Variants in FBLN7 observed in about 807,000 individuals in gnomAD.
FBLN7 encodes fibulin 7.
A neutral mutation model predicts 44.0 loss-of-function variants in FBLN7; 31 were observed. That is an observed-to-expected ratio of 0.70 (90% CI 0.53 to 0.95). The LOEUF (loss-of-function observed/expected upper bound fraction) is 0.95, where lower values mean the gene tolerates loss of function less well. Among genes scored for constraint, FBLN7 ranks in the 40% least tolerant of loss-of-function variants. The pLI is 0.00. For synonymous variants in FBLN7, 262 were observed against 253.4 expected, an observed-to-expected ratio of 1.03 and a Z score of -0.32; for missense variants, 573 against 618.5, an observed-to-expected ratio of 0.93 and a Z score of 0.78.
chr2:112,236,480 A>G, the FBLN7 span: 1 of 1,551,328 alleles, frequency 6.4e-7, no homozygotes, highest in Non-Finnish European at 8.7e-7. Flanking sequence ...CATATCACAT[A>G]GCACTTCTTG....
intron 1 of FBLN7, 32 bp downstream of exon 1, chr2:112,138,762 G>T: frequency 6.5e-7 from 1 of 1,546,862 alleles, no homozygotes; most frequent in Non-Finnish European, 8.7e-7. Context: ...CTCCAGGCCA[G>T]TGTCCCTCCC....
At chr2:112,218,791 T>C in the FBLN7 span, among the ~76,000 whole-genome samples, 1 of 152,202 alleles carries the variant, frequency 6.6e-6, no homozygotes, top group Non-Finnish European at 1.5e-5. Context: ...AAAAGTTATA[T>C]GCAGATTTTT....
At chr2:112,228,949 A>G in the FBLN7 span, among the ~76,000 whole-genome samples, 1 of 152,256 alleles carries the variant, frequency 6.6e-6, no homozygotes, top group Admixed American at 6.5e-5. Context: ...AGCACATGAA[A>G]AGATGTTCAT....
In FBLN7 at chr2:112,187,325, G is replaced by C; in HGVS notation, c.1139G>C (p.Ser380Thr). The change falls in exon 8 of 8, where the codon AGC (serine) becomes ACC (threonine). Residue 380 changes from serine (S) to threonine (T), a missense_variant. Coordinates refer to ENST00000331203, the MANE Select transcript of FBLN7 (RefSeq NM_153214.3). This position sits in a 1 kb window ranked among gnomAD's most constrained non-coding sequence, Gnocchi z 5.1. ...CGGTTTGGGATCGTGGGTGGGAACA[G>C]CCGCGGCCACTTTGTGATGCAGCGT... ...SLRFGIVGGN[S>T]RGHFVMQRSD... 6.2e-7 allele frequency: 1 copy of C among 1,614,134 alleles called. No individual in the cohort carries two copies. Among genetic ancestry groups the C allele is most frequent in the Admixed American group, 1.7e-5 (1 of 60,034 alleles).
the FBLN7 span, among the ~76,000 whole-genome samples, chr2:112,239,026 T>C: frequency 6.6e-6 from 1 of 152,236 alleles, no homozygotes; most frequent in African/African-American, 2.4e-5. Flanking sequence ...CAAAGTCTAG[T>C]CTTTCTCCTA....
Position 112,187,359 on chromosome 2 carries a change from G to T in FBLN7, c.1173G>T (p.Arg391=), listed in dbSNP as rs1307870689. 6.2e-7 allele frequency: 1 copy of T among 1,614,026 alleles called. No individual in the cohort carries two copies. The highest frequency in any genetic ancestry group is 1.3e-5 in the African/African-American group (1 of 74,928). ...ACTTTGTGATGCAGCGTTCAGACCG[G>T]CAGACTGGGGATCTGATCCTTGTGC... ...RGHFVMQRSD[R]QTGDLILVQN... The change falls in exon 8 of 8, where the codon CGG becomes CGT. Residue 391 remains arginine, a synonymous_variant. Coordinates refer to ENST00000331203, the MANE Select transcript of FBLN7 (RefSeq NM_153214.3). The surrounding 1 kb of genome is among the most constrained non-coding windows in gnomAD (Gnocchi z 5.1).
the FBLN7 span, among the ~76,000 whole-genome samples, chr2:112,232,350 C>G: frequency 1.3e-5 from 2 of 148,592 alleles, no homozygotes; most frequent in Non-Finnish European, 3.0e-5. Flanking sequence ...TTCCTACTAG[C>G]AGAAACTGGA....
chr2:112,187,594 C>G lies in FBLN7; in HGVS notation c.*88C>G, dbSNP rs1683335846. 6.6e-6 allele frequency: 10 copies of G among 1,523,656 alleles called. No individual in the cohort carries two copies. Among genetic ancestry groups the G allele is most frequent in the African/African-American group, 1.4e-5 (1 of 72,970 alleles). The allele number at this position is 1,523,656 out of a possible 1,614,324, so 94.4% of individuals were successfully genotyped here. Reference sequence around the variant, plus strand: ...TTCGGGCACCGACTGCGTGGAGCCTCCCGCCTGTTCCCGCCCTCTCACCAG... The same window carrying G: ...TTCGGGCACCGACTGCGTGGAGCCTGCCGCCTGTTCCCGCCCTCTCACCAG... On this transcript the variant is annotated 3_prime_UTR_variant, in exon 8 of 8. Coordinates refer to ENST00000331203, the MANE Select transcript of FBLN7 (RefSeq NM_153214.3). The surrounding 1 kb of genome is among the most constrained non-coding windows in gnomAD (Gnocchi z 5.1).
intron 4 of FBLN7, among the ~76,000 whole-genome samples, chr2:112,180,233 A>T (rs894892844): frequency 2.6e-5 from 4 of 152,268 alleles, no homozygotes; most frequent in African/African-American, 9.6e-5. Flanking sequence ...GCATATGGAA[A>T]AAAAAGCTCC....
At position 112,172,627 on chromosome 2, in the gene FBLN7, CTTTTTTTTTTT is replaced by C. The variant is rs35062438; in HGVS notation, c.407-3073_407-3063del. Among the ~76,000 whole-genome samples the C allele has an allele frequency of 4.5e-5, 4 of 88,154 alleles. No homozygotes were observed. In the Admixed American group the frequency reaches 6.0e-4, roughly 13 times the overall value. The allele number at this position is 88,154 out of a possible 152,430, so 57.8% of individuals were successfully genotyped here. On this transcript the variant is annotated intron_variant, in intron 3 of 7. Coordinates refer to ENST00000331203, the MANE Select transcript of FBLN7 (RefSeq NM_153214.3). ...TGGAATTCACCTTTTCTTTTTCTTT[CTTTTTTTTTTT>C]TTTTTTTTTTTTTGAGACAGAGTCT...
At position 112,182,835 on chromosome 2, in the gene FBLN7, C is replaced by G; in HGVS notation, c.715C>G (p.Leu239Val). ...CTACGGGCAGGAGGGGCGCCCCCGG[C>G]TCTGCATGCACGCCTGCGTGAACAC... is the stretch of plus-strand genomic sequence containing the variant. ...ELYGQEGRPR[L>V]CMHACVNTPG... Residue 239 changes from leucine to valine, a missense_variant, in exon 6 of 8, where the codon CTC (leucine) becomes GTC (valine). Leu to Val is a conservative substitution (Grantham distance 32). Transcript: ENST00000331203. The G allele has an allele frequency of 6.2e-7, 1 of 1,611,986 alleles. No homozygotes were observed. The highest frequency in any genetic ancestry group is 1.1e-5 in the South Asian group (1 of 90,448).
chr2:112,230,916 T>C, the FBLN7 span: 1 of 1,284,258 alleles, frequency 7.8e-7, no homozygotes, highest in Non-Finnish European at 1.0e-6. Flanking sequence ...TTTATGTCTA[T>C]TTTATTTACA....
chr2:112,143,200 G>C (rs1680737951), intron 1 of FBLN7, among the ~76,000 whole-genome samples: 1 of 152,202 alleles, frequency 6.6e-6, no homozygotes, highest in Admixed American at 6.5e-5. Flanking sequence ...TATGGGGTGT[G>C]CAGAGAGCAG....
chr2:112,157,399 A>G (rs1218817945), intron 1 of FBLN7, among the ~76,000 whole-genome samples: 1 of 152,062 alleles, frequency 6.6e-6, no homozygotes, highest in East Asian at 1.9e-4. Flanking sequence ...AAATTAAAAC[A>G]TAATCCATAA....
chr2:112,169,476 G>A (rs1682338704), intron 3 of FBLN7, among the ~76,000 whole-genome samples: 1 of 152,176 alleles, frequency 6.6e-6, no homozygotes, highest in Admixed American at 6.5e-5. Flanking sequence ...TGAAGATCTT[G>A]TGCCTTTGAC....
chr2:112,194,141 G>T, the FBLN7 span, among the ~76,000 whole-genome samples: 1 of 152,144 alleles, frequency 6.6e-6, no homozygotes, highest in African/African-American at 2.4e-5. Flanking sequence ...GTCTGCCTGG[G>T]CTGGGATGAC....
At chr2:112,186,181 C>G (rs1683258537) in intron 7 of FBLN7, among the ~76,000 whole-genome samples, 1 of 152,090 alleles carries the variant, frequency 6.6e-6, no homozygotes, top group South Asian at 2.1e-4. Flanking sequence ...CTGGGGCATT[C>G]GACCAACAGC....
At chr2:112,210,974 C>T in the FBLN7 span, among the ~76,000 whole-genome samples, 2 of 152,192 alleles carry the variant, frequency 1.3e-5, no homozygotes, top group Non-Finnish European at 2.9e-5. Context: ...CCTGGAGCAC[C>T]TCTTCCAAAC....
chr2:112,222,905 A>G, the FBLN7 span, among the ~76,000 whole-genome samples: 1 of 152,260 alleles, frequency 6.6e-6, no homozygotes, highest in Non-Finnish European at 1.5e-5. Context: ...TTAATTGTAC[A>G]TTTACAAATG....
Sources: gnomAD v4.1 joint callset for allele counts (sites outside exome capture counted in the v4.1 genomes callset) on GRCh38, gnomAD v4.1.1 for gene constraint, Gnocchi (gnomAD v3.1) non-coding constraint, MANE v1.5 for transcripts, NCBI Gene and HGNC (gene_info 2026-07-23, HGNC 2026-07-21) for gene names.